The following RFX4 variants were observed in gnomAD, a reference collection of about 807,000 sequenced individuals.
RFX4 encodes regulatory factor X4.
Under a neutral mutation model 95.0 loss-of-function variants are expected in RFX4, and 10 were observed. The ratio of observed to expected loss-of-function variants is 0.11; its 90% CI spans 0.06 to 0.18. RFX4 has a LOEUF of 0.18. RFX4 is among the 10% of genes least tolerant of loss of function. The probability of loss-of-function intolerance (pLI) is 1.00; values close to 1 mark genes in which losing one functional copy is unlikely to be tolerated. For synonymous variants in RFX4, 321 were observed against 340.7 expected (o/e 0.94, Z 0.64); for missense variants, 640 against 922.0 (o/e 0.69, Z 3.96).
intron 11 of RFX4, among the ~76,000 whole-genome samples, chr12:106,718,016 A>G (rs1045238376): frequency 1.3e-5 from 2 of 152,248 alleles, no homozygotes; most frequent in Non-Finnish European, 2.9e-5. Context: ...GGCAATGCTC[A>G]GCTTACCTTA....
intron 15 of RFX4, among the ~76,000 whole-genome samples, chr12:106,741,169 C>A (rs1226595705): frequency 2.0e-5 from 3 of 152,038 alleles, no homozygotes; most frequent in Admixed American, 2.0e-4. Flanking sequence ...AATAGGAGGT[C>A]TCTTTAGACA....
intron 11 of RFX4, among the ~76,000 whole-genome samples, chr12:106,719,369 A>C (rs865889309): frequency 3.3e-5 from 5 of 152,338 alleles, no homozygotes; most frequent in Middle Eastern, 3.4e-3. Flanking sequence ...CTGGGCAGAG[A>C]GCAAGAGAGC....
At chr12:106,625,480 T>C (rs2040278185) in intron 2 of RFX4, among the ~76,000 whole-genome samples, 1 of 152,196 alleles carries the variant, frequency 6.6e-6, no homozygotes, top group Non-Finnish European at 1.5e-5. Flanking sequence ...ATTGCATTTT[T>C]CCCCTAGTAG....
At chr12:106,693,149 CT>C in intron 7 of RFX4, 1 of 429,298 alleles carries the variant, frequency 2.3e-6, no homozygotes, top group South Asian at 1.7e-5. Context: ...ACTTCCAAGC[CT>C]TAGTGCTTGA....
chr12:106,683,620 T>C (rs1463067946), intron 5 of RFX4: 1 of 152,066 alleles, frequency 6.6e-6, no homozygotes, highest in Non-Finnish European at 1.5e-5. Flanking sequence ...TAGTAGGCAA[T>C]TCAAAATGTT....
Position 106,583,231 on chromosome 12 carries a change from T to C in RFX4, c.-90T>C. ...CTCTCTCTCTCCCCTTCTCCCTCCC[T>C]CCCTCCCTTCCTCCCTGGGCATCTC... On this transcript the variant is annotated 5_prime_UTR_variant, in exon 1 of 18. Coordinates refer to ENST00000392842, the MANE Select transcript of RFX4 (RefSeq NM_213594.3). 4.2e-6 allele frequency: 2 copies of C among 472,262 alleles called. No individual in the cohort carries two copies. Among genetic ancestry groups the C allele is most frequent in the Non-Finnish European group, 8.0e-6 (2 of 250,390 alleles). 29.3% of individuals were successfully genotyped at this position (472,262 alleles called of 1,614,324 possible). A position where few individuals can be genotyped will look rare whatever the true frequency, so the allele number is the denominator to read the frequency against.
At chr12:106,695,236 AT>A (rs1293190848) in intron 7 of RFX4, among the ~76,000 whole-genome samples, 1 of 129,384 alleles carries the variant, frequency 7.7e-6, no homozygotes, top group Non-Finnish European at 1.7e-5. Flanking sequence ...ATTGGAATGT[AT>A]AAAAATTCAG....
chr12:106,741,707 A>G (rs958046270), intron 15 of RFX4, among the ~76,000 whole-genome samples: 2 of 152,214 alleles, frequency 1.3e-5, no homozygotes, highest in African/African-American at 4.8e-5. Flanking sequence ...TGGTTCACAG[A>G]ATCCTCCTAA....
At chr12:106,755,868 G>C (rs1364073752) in intron 17 of RFX4, among the ~76,000 whole-genome samples, 2 of 152,184 alleles carry the variant, frequency 1.3e-5, no homozygotes, top group East Asian at 3.9e-4. Context: ...CAGCACAAAA[G>C]TAACTGAAAC....
At chr12:106,636,403 A>AAAAAAAG in intron 2 of RFX4, among the ~76,000 whole-genome samples, 1 of 151,752 alleles carries the variant, frequency 6.6e-6, no homozygotes, top group South Asian at 2.1e-4. Context: ...AAAAAAAAAA[A>AAAAAAAG]AAAAGAAAAG....
At chr12:106,676,271 T>G (rs1882542) in intron 4 of RFX4, among the ~76,000 whole-genome samples, 55,526 of 151,830 alleles carry the variant, frequency 0.37, 10,230 homozygotes, top group South Asian at 0.4. Context: ...AGAGAGAGTT[T>G]AAGGTAGAAG....
At chr12:106,621,597 A>G (rs193094826) in intron 2 of RFX4, among the ~76,000 whole-genome samples, 44 of 152,262 alleles carry the variant, frequency 2.9e-4, no homozygotes, top group Admixed American at 1.8e-3. Flanking sequence ...TGTTTTCTCA[A>G]TCTGCATGTA....
In RFX4 at chr12:106,644,381, G is replaced by A. The variant is rs779467400; in HGVS notation, c.191+4989G>A. ...TCTAAGAAGCTGGGATTACAGGCGC[G>A]CACCGCCACATCCAGCTAATTTTTG... is the stretch of plus-strand genomic sequence containing the variant. On this transcript the variant is annotated intron_variant, in intron 3 of 17. Coordinates refer to ENST00000392842, the MANE Select transcript of RFX4 (RefSeq NM_213594.3). Among the ~76,000 whole-genome samples the A allele has an allele frequency of 2.6e-4, 40 of 151,798 alleles. 1 individual carries two copies. Among genetic ancestry groups the A allele is most frequent in the Non-Finnish European group, 1.9e-4 (13 of 67,934 alleles).
intron 13 of RFX4, among the ~76,000 whole-genome samples, chr12:106,726,078 G>A (rs933213759): frequency 1.3e-5 from 2 of 151,670 alleles, no homozygotes; most frequent in Non-Finnish European, 2.9e-5. Context: ...GTGAAACCCC[G>A]TCTCTACTAA....
chr12:106,602,887 G>C (rs1033484608), intron 1 of RFX4, among the ~76,000 whole-genome samples: 16 of 152,154 alleles, frequency 1.1e-4, no homozygotes, highest in African/African-American at 3.6e-4. Flanking sequence ...TACTGAACAA[G>C]ATAGACAAGG....
intron 10 of RFX4, among the ~76,000 whole-genome samples, chr12:106,711,731 A>G (rs2042194367): frequency 6.6e-6 from 1 of 152,182 alleles, no homozygotes; most frequent in Non-Finnish European, 1.5e-5. Context: ...AACCTTTCAG[A>G]TATGTTCTAA....
chr12:106,612,209 A>G (rs1299847025), intron 2 of RFX4, among the ~76,000 whole-genome samples: 3 of 152,216 alleles, frequency 2.0e-5, no homozygotes, highest in African/African-American at 7.2e-5. Flanking sequence ...TAGTTTTAAC[A>G]TCTTAATAGT....
chr12:106,718,921 T>C (rs908764678), intron 11 of RFX4, among the ~76,000 whole-genome samples: 3 of 128,862 alleles, frequency 2.3e-5, no homozygotes, highest in African/African-American at 6.0e-5. Context: ...CCATCCTGGC[T>C]AACACAGTGA....
chr12:106,652,739 G>A (rs1471284883), intron 3 of RFX4, among the ~76,000 whole-genome samples: 1 of 152,202 alleles, frequency 6.6e-6, no homozygotes, highest in East Asian at 1.9e-4. Flanking sequence ...TTGAACTGAT[G>A]TTCTTGCAAT....
Sources: gnomAD v4.1 joint callset for allele counts (sites outside exome capture counted in the v4.1 genomes callset) on GRCh38, gnomAD v4.1.1 for gene constraint, MANE v1.5 for transcripts, NCBI Gene and HGNC (gene_info 2026-07-23, HGNC 2026-07-21) for gene names.